PLXNA4: variants seen among roughly 807,000 people sequenced by gnomAD.
The protein encoded by PLXNA4 is plexin-A4.
In PLXNA4, 44 loss-of-function variants were observed where a neutral mutation model predicts 191.8. The observed-to-expected ratio is 0.23, with a 90% CI of 0.18 to 0.29. The LOEUF is 0.29. Among genes scored for constraint, PLXNA4 ranks in the 10% least tolerant of loss-of-function variants. PLXNA4 has a pLI of 1.00. For missense variants in PLXNA4, 1,800 were observed against 2,488.8 expected, an observed-to-expected ratio of 0.72 and a Z score of 5.89; for synonymous variants, 1,082 against 1,009.5, an observed-to-expected ratio of 1.07 and a Z score of -1.36.
chr7:132,553,109 C>T (rs534007346), intron 1 of PLXNA4, among the ~76,000 whole-genome samples: 90 of 152,292 alleles, frequency 5.9e-4, no homozygotes, highest in African/African-American at 2.0e-3. Flanking sequence ...ACCTGCTGCT[C>T]TGAATGCCTA....
intron 3 of PLXNA4, among the ~76,000 whole-genome samples, chr7:132,444,816 T>A (rs560048118): frequency 7.2e-5 from 11 of 152,112 alleles, no homozygotes; most frequent in African/African-American, 2.4e-4. Context: ...ATCATTCTTC[T>A]GGACGTGCAG....
rs983306564 is a variant in PLXNA4 at position 132,572,097 on chromosome 7, C to T, written c.-87+4325G>A. Among the ~76,000 whole-genome samples the T allele has an allele frequency of 9.2e-5, 14 of 152,166 alleles. No individual in the cohort carries two copies. The East Asian group carries it at 2.3e-3, about 25-fold the overall frequency. On this transcript the variant is annotated intron_variant, in intron 1 of 31. Transcript: ENST00000321063. ...CTCCCAAGCACTCACCCATAAACCT[C>T]CCAAGGGGGCAGCAGTACAGTGAGC... is the stretch of plus-strand genomic sequence containing the variant.
chr7:132,618,303 T>A (rs1488407365), intron 2 of PLXNA4, among the ~76,000 whole-genome samples: 2 of 152,212 alleles, frequency 1.3e-5, no homozygotes, highest in African/African-American at 2.4e-5. Context: ...CCTATACTGT[T>A]ATTCTTCAGC....
At chr7:132,635,697 A>G (rs1223710259) in intron 2 of PLXNA4, among the ~76,000 whole-genome samples, 1 of 152,004 alleles carries the variant, frequency 6.6e-6, no homozygotes, top group African/African-American at 2.4e-5. Context: ...CAAACCCCCA[A>G]CGAACCACGG....
intron 3 of PLXNA4, among the ~76,000 whole-genome samples, chr7:132,477,251 AC>A (rs1164231932): frequency 6.6e-6 from 1 of 152,204 alleles, no homozygotes; most frequent in African/African-American, 2.4e-5. Context: ...CTCCCTGCAT[AC>A]ATACACACCA....
chr7:132,281,146 C>T (rs972712417), intron 4 of PLXNA4, among the ~76,000 whole-genome samples: 21 of 152,096 alleles, frequency 1.4e-4, no homozygotes, highest in Non-Finnish European at 2.4e-4. Context: ...TTGTTTAATA[C>T]ATTTGTTTAG....
chr7:132,534,681 G>T (rs1799760903), intron 1 of PLXNA4, among the ~76,000 whole-genome samples: 1 of 152,186 alleles, frequency 6.6e-6, no homozygotes, highest in South Asian at 2.1e-4. Flanking sequence ...CAAAAGAAGG[G>T]CTATGGAAAG....
At chr7:132,476,765 A>G (rs1797145434) in intron 3 of PLXNA4, among the ~76,000 whole-genome samples, 1 of 152,218 alleles carries the variant, frequency 6.6e-6, no homozygotes, top group African/African-American at 2.4e-5. Context: ...AGGTAAAAGA[A>G]ATGCTTCCAT....
chr7:132,642,815 A>G (rs2116892821), intron 2 of PLXNA4, among the ~76,000 whole-genome samples: 1 of 152,352 alleles, frequency 6.6e-6, no homozygotes, highest in Admixed American at 6.5e-5. Context: ...ACCAACATGG[A>G]ACTCTTTATT....
At chr7:132,282,997 C>A (rs557902027) in intron 4 of PLXNA4, among the ~76,000 whole-genome samples, 13 of 152,096 alleles carry the variant, frequency 8.5e-5, no homozygotes, top group East Asian at 3.9e-4. Flanking sequence ...CCACCTCAGC[C>A]CCCCCCAAGT....
chr7:132,158,482 C>T (rs1795856515), intron 25 of PLXNA4, among the ~76,000 whole-genome samples: 1 of 152,200 alleles, frequency 6.6e-6, no homozygotes, highest in Non-Finnish European at 1.5e-5. Context: ...AACAAACAGG[C>T]ACAGACAGTA....
intron 2 of PLXNA4, among the ~76,000 whole-genome samples, chr7:132,610,845 T>C (rs908869130): frequency 7.2e-5 from 11 of 152,106 alleles, no homozygotes; most frequent in Non-Finnish European, 1.3e-4. Flanking sequence ...CCACCTTGAG[T>C]GCCATGATAC....
chr7:132,192,789 T>C (rs575860936), intron 14 of PLXNA4, among the ~76,000 whole-genome samples: 5 of 152,178 alleles, frequency 3.3e-5, no homozygotes, highest in Admixed American at 3.3e-4. Context: ...GTCTCCACCA[T>C]CTCCATAATC....
intron 12 of PLXNA4, among the ~76,000 whole-genome samples, chr7:132,201,217 G>A (rs1039013004): frequency 1.3e-5 from 2 of 152,148 alleles, no homozygotes; most frequent in African/African-American, 4.8e-5. Context: ...GCCCTCAGGA[G>A]GAACCGACCC....
At chr7:132,211,393 A>G (rs1454557444) in intron 9 of PLXNA4, among the ~76,000 whole-genome samples, 1 of 152,146 alleles carries the variant, frequency 6.6e-6, no homozygotes, top group African/African-American at 2.4e-5. Context: ...AACCTTCCCT[A>G]TGCAATCTGG....
Position 132,228,197 on chromosome 7 carries a change from C to G in PLXNA4, c.1728+149G>C, listed in dbSNP as rs1798395974. The G allele has an allele frequency of 9.8e-6, 10 of 1,016,114 alleles. No homozygotes were observed. In the Admixed American group the frequency reaches 1.3e-4, roughly 13 times the overall value. The allele number at this position is 1,016,114 out of a possible 1,614,324, so 62.9% of individuals were successfully genotyped here. A position where few individuals can be genotyped will look rare whatever the true frequency, so the allele number is the denominator to read the frequency against. On this transcript the variant is annotated intron_variant, in intron 6 of 31. Transcript: ENST00000321063. ...TGCATCCCCCCGTAGACACTTAATT[C>G]TTTGATATCCTGCACCCTTCTCTTG...
chr7:132,451,937 T>A (rs1796139140), intron 3 of PLXNA4, among the ~76,000 whole-genome samples: 1 of 152,228 alleles, frequency 6.6e-6, no homozygotes, highest in South Asian at 2.1e-4. Flanking sequence ...CTTCAGTCTG[T>A]CTGGAAGCTC....
intron 1 of PLXNA4, among the ~76,000 whole-genome samples, chr7:132,554,508 C>T (rs1253230465): frequency 2.6e-5 from 4 of 152,216 alleles, no homozygotes; most frequent in Non-Finnish European, 1.5e-5. Flanking sequence ...GTTCTTTCCT[C>T]TCTCAGCCCG....
At chr7:132,159,421 G>C (rs1562888967) in intron 25 of PLXNA4, 52 bp downstream of exon 25, 1 of 1,600,182 alleles carries the variant, frequency 6.2e-7, no homozygotes, top group Non-Finnish European at 8.5e-7. Context: ...AGAAGGTGAG[G>C]TGTGTTCAGG....
Sources: gnomAD v4.1 joint callset for allele counts (sites outside exome capture counted in the v4.1 genomes callset) on GRCh38, gnomAD v4.1.1 for gene constraint, MANE v1.5 for transcripts, NCBI Gene and HGNC (gene_info 2026-07-23, HGNC 2026-07-21) for gene names.